The following CFAP61 variants were observed in gnomAD, a reference collection of about 807,000 sequenced individuals.
CFAP61 encodes the protein cilia and flagella associated protein 61.
In CFAP61, 107 loss-of-function variants were observed where a neutral mutation model predicts 135.6. The ratio of observed to expected loss-of-function variants is 0.79; its 90% CI spans 0.67 to 0.93. CFAP61 has a LOEUF of 0.93. Among genes scored for constraint, CFAP61 ranks in the 40% least tolerant of loss-of-function variants. The pLI is 0.00. For synonymous variants in CFAP61, 575 were observed against 578.5 expected (o/e 0.99, Z 0.09); for missense variants, 1,507 against 1,556.2 (o/e 0.97, Z 0.53).
chr20:20,360,059 G>C (rs956629467), intron 26 of CFAP61, 151 bp from the exon 27 acceptor site: 1 of 678,240 alleles, frequency 1.5e-6, no homozygotes, highest in Admixed American at 2.4e-5. Context: ...TGTATACTTT[G>C]CCACAATTAA....
chr20:20,339,936 G>A (rs1308706806), intron 25 of CFAP61, among the ~76,000 whole-genome samples: 1 of 152,232 alleles, frequency 6.6e-6, no homozygotes, highest in African/African-American at 2.4e-5. Context: ...CCATGCTGCT[G>A]CTGTAGGATG....
intron 20 of CFAP61, among the ~76,000 whole-genome samples, chr20:20,253,144 A>ATTTTCTTTTC (rs11472286): frequency 0.36 from 53,329 of 149,700 alleles, 10,091 homozygotes; most frequent in Middle Eastern, 0.52. Flanking sequence ...GAGATGCTAC[A>ATTTTCTTTTC]TTTTCTTTTC....
intron 8 of CFAP61, among the ~76,000 whole-genome samples, chr20:20,116,683 A>G (rs2049166805): frequency 6.6e-6 from 1 of 152,138 alleles, no homozygotes; most frequent in Admixed American, 6.5e-5. Context: ...GATCTATCAA[A>G]CACTGGGTCA....
intron 6 of CFAP61, among the ~76,000 whole-genome samples, chr20:20,084,098 C>T (rs1178102710): frequency 6.6e-6 from 1 of 152,138 alleles, no homozygotes; most frequent in Admixed American, 6.5e-5. Flanking sequence ...GGTTCTCCTA[C>T]CCCATGTTGA....
chr20:20,189,554 G>A (rs1027647944), intron 14 of CFAP61, among the ~76,000 whole-genome samples: 2 of 150,374 alleles, frequency 1.3e-5, no homozygotes, highest in Admixed American at 1.3e-4. Context: ...GGAAGTGTCA[G>A]CAAACGTCCT....
At chr20:20,267,398 G>T (rs2052853132) in intron 21 of CFAP61, 1 of 152,560 alleles carries the variant, frequency 6.6e-6, no homozygotes, top group African/African-American at 2.4e-5. Context: ...GACCAGGCGG[G>T]TGCCGCTGTA....
In CFAP61 at chr20:20,056,631, C is replaced by T. The variant is rs780538376; in HGVS notation, c.-23C>T. The T allele has an allele frequency of 3.7e-6, 6 of 1,608,658 alleles. No homozygotes were observed. The African/African-American group carries it at 4.0e-5, about 11-fold the overall frequency. On this transcript the variant is annotated 5_prime_UTR_variant, in exon 2 of 27. Coordinates refer to ENST00000245957, the MANE Select transcript of CFAP61 (RefSeq NM_015585.4). ...TCAGATTAATAGTGGACTTTTTTCT[C>T]TCTTTTGGGGACAGGATAAAAAATG... is the stretch of plus-strand genomic sequence containing the variant.
intron 25 of CFAP61, among the ~76,000 whole-genome samples, chr20:20,318,897 T>C (rs1295038124): frequency 6.6e-6 from 1 of 152,144 alleles, no homozygotes; most frequent in Non-Finnish European, 1.5e-5. Flanking sequence ...CCCTGAGTGG[T>C]TTTGGCTCCT....
At chr20:20,356,438 A>G in intron 26 of CFAP61, among the ~76,000 whole-genome samples, 3 of 139,842 alleles carry the variant, frequency 2.1e-5, no homozygotes, top group Admixed American at 7.2e-5. Context: ...CACTGAGGGG[A>G]GGTGGTCACA....
At chr20:20,323,486 C>T (rs2057619612) in intron 25 of CFAP61, 4 of 205,506 alleles carry the variant, frequency 1.9e-5, no homozygotes, top group South Asian at 1.7e-4. Flanking sequence ...ATTTTTAGCA[C>T]GTGAAAGTCT....
intron 7 of CFAP61, chr20:20,095,673 G>A (rs1338140784): frequency 3.3e-5 from 5 of 152,360 alleles, no homozygotes; most frequent in African/African-American, 4.8e-5. Flanking sequence ...GATGGGCAGA[G>A]CGTCTGCTTT....
chr20:20,064,032 A>ACCCCCCCCCCCCCC (rs373522191), intron 2 of CFAP61, among the ~76,000 whole-genome samples: 17 of 113,212 alleles, frequency 1.5e-4, no homozygotes, highest in Admixed American at 2.8e-4. Context: ...AAATAGAGTA[A>ACCCCCCCCCCCCCC]CCGCCCCCCA....
At chr20:20,179,623 T>C (rs568804673) in intron 13 of CFAP61, among the ~76,000 whole-genome samples, 9 of 152,242 alleles carry the variant, frequency 5.9e-5, no homozygotes, top group Admixed American at 2.0e-4. Context: ...CCTACCTGAC[T>C]TCAAACTATA....
intron 21 of CFAP61, among the ~76,000 whole-genome samples, chr20:20,275,089 G>A (rs1368284029): frequency 1.3e-5 from 2 of 152,176 alleles, no homozygotes. Flanking sequence ...GTGGGCAGAG[G>A]CTTGACATGT....
intron 26 of CFAP61, among the ~76,000 whole-genome samples, chr20:20,355,063 G>A (rs2059024872): frequency 6.9e-6 from 1 of 144,004 alleles, no homozygotes; most frequent in Non-Finnish European, 1.5e-5. Context: ...CTGTGAGAGG[G>A]AAGGTGGTCA....
chr20:20,116,580 T>G (rs115193297), intron 8 of CFAP61, among the ~76,000 whole-genome samples: 14 of 152,260 alleles, frequency 9.2e-5, no homozygotes, highest in African/African-American at 3.1e-4. Context: ...AGATTTAAGA[T>G]TTTCATCCAT....
intron 25 of CFAP61, among the ~76,000 whole-genome samples, chr20:20,326,930 T>C: frequency 6.6e-6 from 1 of 152,336 alleles, no homozygotes; most frequent in South Asian, 2.1e-4. Context: ...CAGGTCTTTT[T>C]AAATTTTCTT....
At chr20:20,137,913 A>G (rs2051062564) in intron 8 of CFAP61, among the ~76,000 whole-genome samples, 1 of 152,148 alleles carries the variant, frequency 6.6e-6, no homozygotes, top group Non-Finnish European at 1.5e-5. Context: ...GGCGAGTACT[A>G]CCTGGCTACT....
At chr20:20,089,400 A>T (rs1237991935) in intron 6 of CFAP61, among the ~76,000 whole-genome samples, 1 of 152,032 alleles carries the variant, frequency 6.6e-6, no homozygotes, top group African/African-American at 2.4e-5. Flanking sequence ...ATATATATAT[A>T]TATACTGATC....
Sources: gnomAD v4.1 joint callset for allele counts (sites outside exome capture counted in the v4.1 genomes callset) on GRCh38, gnomAD v4.1.1 for gene constraint, MANE v1.5 for transcripts, NCBI Gene and HGNC (gene_info 2026-07-23, HGNC 2026-07-21) for gene names.